Variants in PCDH15 observed in about 807,000 individuals in gnomAD.
The protein encoded by PCDH15 is protocadherin-15.
In PCDH15, 129 loss-of-function variants were observed where a neutral mutation model predicts 178.5. The ratio of observed to expected loss-of-function variants is 0.72; its 90% CI spans 0.63 to 0.84. The LOEUF (loss-of-function observed/expected upper bound fraction) is 0.84. Ranked by LOEUF, PCDH15 falls within the 40% of genes least tolerant of loss-of-function variation. The probability of loss-of-function intolerance (pLI) is 0.00; values close to 1 mark genes in which losing one functional copy is unlikely to be tolerated. For synonymous variants in PCDH15, 800 were observed against 732.0 expected, an observed-to-expected ratio of 1.09 and a Z score of -1.50; for missense variants, 2,230 against 2,099.9, an observed-to-expected ratio of 1.06 and a Z score of -1.21.
intron 2 of PCDH15, among the ~76,000 whole-genome samples, chr10:54,590,553 GAATTATTTTCCTCA>G (rs2091818267): frequency 6.6e-6 from 1 of 152,090 alleles, no homozygotes; most frequent in Non-Finnish European, 1.5e-5. Context: ...TATCTACGGA[GAATTATTTTCCTCA>G]AGAACATTAG....
chr10:55,326,419 CA>C (rs754490694), intron 2 of PCDH15, among the ~76,000 whole-genome samples: 12 of 152,026 alleles, frequency 7.9e-5, no homozygotes, highest in Admixed American at 6.6e-5. Flanking sequence ...TCAATGAGAT[CA>C]GTTCTTTTAA....
chr10:54,838,322 G>A (rs778002855), intron 3 of PCDH15, among the ~76,000 whole-genome samples: 8 of 152,180 alleles, frequency 5.3e-5, no homozygotes, highest in East Asian at 1.9e-4. Context: ...TGTGGTTCTC[G>A]TGATAGTAAG....
intron 2 of PCDH15, among the ~76,000 whole-genome samples, chr10:55,453,600 G>A (rs1054224116): frequency 6.6e-6 from 1 of 151,906 alleles, no homozygotes; most frequent in Non-Finnish European, 1.5e-5. Flanking sequence ...GGGGTTTCGG[G>A]GGGTCAACTA....
intron 2 of PCDH15, among the ~76,000 whole-genome samples, chr10:55,116,816 C>T (rs1425158624): frequency 1.3e-5 from 2 of 152,270 alleles, no homozygotes; most frequent in Admixed American, 1.3e-4. Context: ...AAAGAATTAA[C>T]TGGCTTTCCT....
chr10:54,689,807 G>C (rs1188654188), intron 1 of PCDH15, among the ~76,000 whole-genome samples: 5 of 152,104 alleles, frequency 3.3e-5, no homozygotes, highest in African/African-American at 1.2e-4. Context: ...TGCTCTATAA[G>C]ACAAGTAGAT....
chr10:55,596,156 A>AC (rs1842931131), intron 2 of PCDH15, among the ~76,000 whole-genome samples: 1 of 152,144 alleles, frequency 6.6e-6, no homozygotes, highest in Non-Finnish European at 1.5e-5. Flanking sequence ...AGGTTATTAC[A>AC]CCACCATATA....
rs1315749229 is a variant in PCDH15 at position 54,240,741 on chromosome 10, C to T, written c.877-3810G>A. ...CCGCCTCCCGGGTTCACGCCATTCT[C>T]CTGCCTCAGCCTCCCGAGTAGCTGG... On this transcript the variant is annotated intron_variant, in intron 8 of 37. Transcript: ENST00000644397. 2.0e-5 allele frequency among the ~76,000 whole-genome samples: 3 copies of T among 147,140 alleles called. No individual in the cohort carries two copies. The East Asian group carries it at 6.0e-4, about 30-fold the overall frequency.
intron 3 of PCDH15, among the ~76,000 whole-genome samples, chr10:54,870,642 C>G (rs1191379619): frequency 1.3e-5 from 2 of 151,844 alleles, no homozygotes; most frequent in South Asian, 2.1e-4. Flanking sequence ...AAAAATTAGC[C>G]GGGCGTGGTG....
chr10:53,873,490 G>C (rs910477341), intron 26 of PCDH15, among the ~76,000 whole-genome samples: 3 of 152,148 alleles, frequency 2.0e-5, no homozygotes, highest in African/African-American at 7.2e-5. Flanking sequence ...GCCAAGAAAT[G>C]GAGGCACAGA....
intron 20 of PCDH15, among the ~76,000 whole-genome samples, chr10:54,013,373 T>C (rs2092648904): frequency 6.6e-6 from 1 of 152,180 alleles, no homozygotes; most frequent in South Asian, 2.1e-4. Flanking sequence ...GAAAAAGATA[T>C]TTAGGACCTG....
intron 2 of PCDH15, among the ~76,000 whole-genome samples, chr10:54,540,026 C>T (rs1045026673): frequency 6.6e-6 from 1 of 152,056 alleles, no homozygotes; most frequent in African/African-American, 2.4e-5. Flanking sequence ...GTGTATGGTG[C>T]TAAATGCCTA....
intron 17 of PCDH15, among the ~76,000 whole-genome samples, chr10:54,076,529 T>C (rs1325098011): frequency 6.6e-6 from 1 of 151,944 alleles, no homozygotes; most frequent in East Asian, 1.9e-4. Context: ...GATACTATGT[T>C]GAACACAAAT....
intron 10 of PCDH15, among the ~76,000 whole-genome samples, chr10:54,202,180 T>C (rs2133986733): frequency 6.6e-6 from 1 of 152,326 alleles, no homozygotes; most frequent in East Asian, 1.9e-4. Flanking sequence ...TGATTTTGAC[T>C]GTGTGTACTC....
intron 2 of PCDH15, among the ~76,000 whole-genome samples, chr10:55,499,404 TACACACACACACACACACACACACAC>T (rs200878607): frequency 7.3e-6 from 1 of 136,314 alleles, no homozygotes; most frequent in African/African-American, 2.7e-5. Flanking sequence ...AGACTCTCCC[TACACACACACACACACACACACACAC>T]ACACACACAC....
chr10:54,525,436 G>C (rs1018615029), intron 3 of PCDH15, among the ~76,000 whole-genome samples: 1 of 152,096 alleles, frequency 6.6e-6, no homozygotes, highest in Non-Finnish European at 1.5e-5. Flanking sequence ...ATAGAGCAAG[G>C]CTAAAAATAA....
intron 11 of PCDH15, among the ~76,000 whole-genome samples, chr10:54,187,921 T>C (rs569969161): frequency 3.4e-4 from 52 of 152,010 alleles, no homozygotes; most frequent in African/African-American, 8.4e-4. Flanking sequence ...TTTTTAAAGA[T>C]AGTGCAAGTT....
At chr10:54,237,933 A>T (rs866019778) in intron 8 of PCDH15, among the ~76,000 whole-genome samples, 3 of 152,204 alleles carry the variant, frequency 2.0e-5, no homozygotes, top group African/African-American at 7.2e-5. Context: ...TTCTAAGAAA[A>T]GGGTACTATT....
At chr10:55,265,350 A>T (rs2218448) in intron 1 of PCDH15, among the ~76,000 whole-genome samples, 1 of 149,900 alleles carries the variant, frequency 6.7e-6, no homozygotes. Context: ...ATATCTCTAT[A>T]ATAGATATAG....
intron 32 of PCDH15, 82 bp downstream of exon 32, chr10:53,827,311 C>T (rs1194857072): frequency 1.3e-6 from 2 of 1,484,644 alleles, no homozygotes; most frequent in East Asian, 2.3e-5. Flanking sequence ...GGCATTTCCA[C>T]ATCAGATTGA....
Sources: allele counts gnomAD v4.1 joint callset (sites outside exome capture counted in the v4.1 genomes callset), GRCh38; gene constraint gnomAD v4.1.1; transcripts MANE v1.5; gene names NCBI Gene and HGNC (gene_info 2026-07-23, HGNC 2026-07-21).